The following RAB3C variants were observed in gnomAD, a reference collection of about 807,000 sequenced individuals.
The protein encoded by RAB3C is RAB3C, member RAS oncogene family.
RAB3C carries 17 observed loss-of-function variants against 26.4 expected under a neutral mutation model. The ratio of observed to expected loss-of-function variants is 0.64; its 90% CI spans 0.44 to 0.97. The LOEUF is 0.97. Ranked by LOEUF, RAB3C falls within the 50% of genes least tolerant of loss-of-function variation. RAB3C has a pLI of 0.00. For missense variants in RAB3C, 242 were observed against 281.9 expected (o/e 0.86, Z 1.01); for synonymous variants, 91 against 95.9 (o/e 0.95, Z 0.30).
intron 2 of RAB3C, among the ~76,000 whole-genome samples, chr5:58,691,885 C>T (rs1748577506): frequency 6.6e-6 from 1 of 152,180 alleles, no homozygotes; most frequent in South Asian, 2.1e-4. Flanking sequence ...GTTCTTTAAT[C>T]ATAAGTGAAT....
chr5:58,697,121 T>C (rs1304594547), intron 2 of RAB3C, among the ~76,000 whole-genome samples: 1 of 152,236 alleles, frequency 6.6e-6, no homozygotes, highest in Non-Finnish European at 1.5e-5. Context: ...TGGTACGTTG[T>C]GTCTTTGTTC....
At chr5:58,656,030 C>T (rs755402040) in intron 2 of RAB3C, among the ~76,000 whole-genome samples, 1 of 151,984 alleles carries the variant, frequency 6.6e-6, no homozygotes. Context: ...CGTGATCCAC[C>T]CGCCTTGGCC....
intron 2 of RAB3C, among the ~76,000 whole-genome samples, chr5:58,681,442 T>G (rs1748341661): frequency 6.6e-6 from 1 of 152,272 alleles, no homozygotes; most frequent in Admixed American, 6.5e-5. Context: ...TGTGATGAAG[T>G]ACTTTTTGTT....
chr5:58,598,321 C>T (rs547583563), intron 1 of RAB3C, among the ~76,000 whole-genome samples: 8 of 151,206 alleles, frequency 5.3e-5, no homozygotes, highest in Admixed American at 1.3e-4. Context: ...ATATTGTAGA[C>T]TTCGGTGATT....
intron 2 of RAB3C, among the ~76,000 whole-genome samples, chr5:58,659,115 A>G (rs1747843436): frequency 6.6e-6 from 1 of 152,314 alleles, no homozygotes; most frequent in African/African-American, 2.4e-5. Flanking sequence ...AGGCAAAAAA[A>G]CTTTTATAAT....
intron 4 of RAB3C, among the ~76,000 whole-genome samples, chr5:58,845,306 C>T (rs1178203362): frequency 1.3e-5 from 2 of 152,040 alleles, no homozygotes; most frequent in African/African-American, 2.4e-5. Flanking sequence ...GTCGGCAAAT[C>T]AGGCCTGCGC....
chr5:58,623,191 C>T (rs1203664680), intron 2 of RAB3C, among the ~76,000 whole-genome samples: 1 of 152,154 alleles, frequency 6.6e-6, no homozygotes, highest in African/African-American at 2.4e-5. Context: ...TCTTCCTGCA[C>T]ATTTCTGGAA....
chr5:58,675,307 C>G lies in RAB3C; in HGVS notation c.253-50695C>G, dbSNP rs530576119. On this transcript the variant is annotated intron_variant, in intron 2 of 4. Coordinates refer to ENST00000282878, the MANE Select transcript of RAB3C (RefSeq NM_138453.4). ...AAAAGAGAAACATTTTTTCTCCACA[C>G]CTAATTTTCTTCACCTCTATCAATT... Among the ~76,000 whole-genome samples, 37 of 152,194 alleles carry G rather than the reference C, an allele frequency of 2.4e-4. 1 individual carries two copies. The South Asian group carries it at 7.7e-3, about 32-fold the overall frequency.
chr5:58,601,789 G>T (rs996095995), intron 1 of RAB3C, among the ~76,000 whole-genome samples: 1 of 151,908 alleles, frequency 6.6e-6, no homozygotes, highest in African/African-American at 2.4e-5. Flanking sequence ...TCTTTTCAAA[G>T]AACCAGCTTT....
At chr5:58,762,139 T>A (rs2111977380) in intron 3 of RAB3C, among the ~76,000 whole-genome samples, 1 of 152,250 alleles carries the variant, frequency 6.6e-6, no homozygotes, top group South Asian at 2.1e-4. Flanking sequence ...ATATAATCAA[T>A]ATAAAAATTA....
At chr5:58,768,132 AAGGCAG>A (rs1184980671) in intron 3 of RAB3C, among the ~76,000 whole-genome samples, 2 of 152,172 alleles carry the variant, frequency 1.3e-5, no homozygotes, top group Admixed American at 6.5e-5. Context: ...GTCAGAGTGG[AAGGCAG>A]AGACCTGTCT....
chr5:58,686,452 A>T (rs1010177678), intron 2 of RAB3C, among the ~76,000 whole-genome samples: 13 of 152,232 alleles, frequency 8.5e-5, no homozygotes, highest in African/African-American at 2.9e-4. Context: ...TTGGTTTATT[A>T]TCTCACTTTA....
At chr5:58,816,697 C>T (rs1393786050) in intron 3 of RAB3C, among the ~76,000 whole-genome samples, 2 of 152,084 alleles carry the variant, frequency 1.3e-5, no homozygotes, top group East Asian at 3.9e-4. Flanking sequence ...CCTGAAACCA[C>T]CTATAGTGAC....
At chr5:58,799,658 C>A (rs1742760211) in intron 3 of RAB3C, among the ~76,000 whole-genome samples, 1 of 152,188 alleles carries the variant, frequency 6.6e-6, no homozygotes, top group Admixed American at 6.5e-5. Flanking sequence ...CACCCCCACA[C>A]TCTCAGTCTC....
In RAB3C at chr5:58,623,442, G is replaced by A. The variant is rs555563541; in HGVS notation, c.252+5572G>A. 2.1e-4 allele frequency among the ~76,000 whole-genome samples: 32 copies of A among 152,358 alleles called. No individual in the cohort carries two copies. In the South Asian group the frequency reaches 5.4e-3, roughly 26 times the overall value. Reference sequence around the variant, plus strand: ...AAGAAAACCACCAAAGCCAGTGACAGCTGCCAAGACCATTCTTGGTGCTGT... The same window carrying A: ...AAGAAAACCACCAAAGCCAGTGACAACTGCCAAGACCATTCTTGGTGCTGT... On this transcript the variant is annotated intron_variant, in intron 2 of 4. Coordinates refer to ENST00000282878, the MANE Select transcript of RAB3C (RefSeq NM_138453.4).
chr5:58,836,674 C>T (rs1446395779), intron 4 of RAB3C, among the ~76,000 whole-genome samples: 1 of 100,558 alleles, frequency 9.9e-6, no homozygotes, highest in East Asian at 2.2e-4. Context: ...CTTAATATAA[C>T]GTCCCTCCAG....
At chr5:58,723,583 C>G (rs1299224344) in intron 2 of RAB3C, among the ~76,000 whole-genome samples, 1 of 151,766 alleles carries the variant, frequency 6.6e-6, no homozygotes, top group Non-Finnish European at 1.5e-5. Context: ...TTTCACACTG[C>G]TGTTCATGGT....
intron 2 of RAB3C, among the ~76,000 whole-genome samples, chr5:58,622,283 G>A (rs1486299492): frequency 1.3e-5 from 2 of 152,040 alleles, no homozygotes; most frequent in South Asian, 2.1e-4. Flanking sequence ...GGTTGGGAGT[G>A]TGTGCTCTGG....
chr5:58,786,811 A>G (rs1204852954), intron 3 of RAB3C, among the ~76,000 whole-genome samples: 1 of 151,994 alleles, frequency 6.6e-6, no homozygotes, highest in Admixed American at 6.6e-5. Flanking sequence ...AGTGAGCACA[A>G]TTAAGTTTCT....
Sources: allele counts gnomAD v4.1 joint callset (sites outside exome capture counted in the v4.1 genomes callset), GRCh38; gene constraint gnomAD v4.1.1; transcripts MANE v1.5; gene names NCBI Gene and HGNC (gene_info 2026-07-23, HGNC 2026-07-21).